The following NMBR variants were observed in gnomAD, a reference collection of about 807,000 sequenced individuals.
The protein encoded by NMBR is neuromedin-B receptor.
Under a neutral mutation model 20.5 loss-of-function variants are expected in NMBR, and 16 were observed. The ratio of observed to expected loss-of-function variants is 0.78; its 90% CI spans 0.53 to 1.19. The LOEUF is 1.19. Among genes scored for constraint, NMBR ranks in the 50% most tolerant of loss-of-function variants. The pLI, the probability that NMBR is intolerant of heterozygous loss-of-function variation, is 0.00. For missense variants in NMBR, 582 were observed against 499.1 expected (o/e 1.17, Z -1.58); for synonymous variants, 212 against 196.6 (o/e 1.08, Z -0.65).
chr6:142,100,802 G>A (rs1011970297), intron 1 of NMBR, among the ~76,000 whole-genome samples: 1 of 152,172 alleles, frequency 6.6e-6, no homozygotes, highest in African/African-American at 2.4e-5. Context: ...TGTTGGTAGA[G>A]GGTATAGGAG....
intron 1 of NMBR, among the ~76,000 whole-genome samples, chr6:142,105,013 A>G (rs1435049324): frequency 6.6e-6 from 1 of 152,052 alleles, no homozygotes; most frequent in Admixed American, 6.6e-5. Flanking sequence ...GGCGGGAAGA[A>G]TATTACAAAG....
At chr6:142,076,939 A>G (rs1776961642) in intron 3 of NMBR, among the ~76,000 whole-genome samples, 1 of 152,176 alleles carries the variant, frequency 6.6e-6, no homozygotes, top group African/African-American at 2.4e-5. Flanking sequence ...TTGGGATTGG[A>G]ACATATCTGA....
rs1777242238 is a variant in NMBR at position 142,088,407 on chromosome 6, G to A, written c.252C>T (p.Asn84=). ...MRSVPNIFIS[N]LAAGDLLLLL... The stretch of plus-strand genomic sequence containing the variant: ...GCAGCAGCAAGTCCCCGGCCGCCAG[G>A]TTAGAGATGAAGATGTTGGGGACGC... The change falls in exon 2 of 4, where the codon AAC becomes AAT. Residue 84 remains asparagine, a synonymous_variant. Transcript: ENST00000258042. 3 of 1,614,000 alleles carry A rather than the reference G, an allele frequency of 1.9e-6. No individual in the cohort carries two copies. The highest frequency in any genetic ancestry group is 4.5e-5 in the East Asian group (2 of 44,878).
At chr6:142,115,002 T>A (rs1212336285) in intron 1 of NMBR, among the ~76,000 whole-genome samples, 2 of 152,112 alleles carry the variant, frequency 1.3e-5, no homozygotes, top group African/African-American at 4.8e-5. Context: ...AAGTCATACA[T>A]ATTGGCAAGA....
intron 1 of NMBR, among the ~76,000 whole-genome samples, chr6:142,109,489 T>C (rs1777721026): frequency 6.8e-6 from 1 of 147,894 alleles, no homozygotes. Flanking sequence ...TTTTTTTTTT[T>C]TTTTTTTTGA....
At chr6:142,128,309 C>T (rs1778074944) in intron 1 of NMBR, among the ~76,000 whole-genome samples, 1 of 151,978 alleles carries the variant, frequency 6.6e-6, no homozygotes, top group African/African-American at 2.4e-5. Context: ...TATAAATTAC[C>T]CAGTCTCCAT....
At chr6:142,080,913 C>A (rs1214510083) in intron 2 of NMBR, among the ~76,000 whole-genome samples, 1 of 152,198 alleles carries the variant, frequency 6.6e-6, no homozygotes, top group African/African-American at 2.4e-5. Context: ...AATGTCACTT[C>A]TCTACCTCAT....
chr6:142,107,826 G>C (rs1777687493), intron 1 of NMBR, among the ~76,000 whole-genome samples: 1 of 151,776 alleles, frequency 6.6e-6, no homozygotes, highest in African/African-American at 2.4e-5. Context: ...ATAAAGAAGG[G>C]AAGAAAGGTA....
At chr6:142,093,605 A>G (rs569838891) in intron 1 of NMBR, among the ~76,000 whole-genome samples, 3 of 152,232 alleles carry the variant, frequency 2.0e-5, no homozygotes, top group African/African-American at 4.8e-5. Context: ...TAGTGCCACA[A>G]TAAACATATG....
intron 1 of NMBR, among the ~76,000 whole-genome samples, chr6:142,094,305 T>A (rs905370175): frequency 4.6e-5 from 7 of 152,204 alleles, no homozygotes; most frequent in African/African-American, 1.7e-4. Context: ...AAGTCTTTAA[T>A]CCATCTTGAA....
intron 1 of NMBR, among the ~76,000 whole-genome samples, chr6:142,092,993 C>T (rs984920280): frequency 1.3e-5 from 2 of 152,048 alleles, no homozygotes; most frequent in Non-Finnish European, 2.9e-5. Flanking sequence ...GTTTTAGGTA[C>T]ATTACTTAGA....
intron 2 of NMBR, among the ~76,000 whole-genome samples, chr6:142,087,207 A>G (rs538487116): frequency 1.2e-4 from 18 of 152,180 alleles, no homozygotes; most frequent in Non-Finnish European, 2.2e-4. Flanking sequence ...TATTCTTGCA[A>G]ATACCAGGAA....
Position 142,088,556 on chromosome 6 carries a change from C to A in NMBR, c.103G>T (p.Gly35Trp), listed in dbSNP as rs771538020. Residue 35 changes from glycine to tryptophan, a missense_variant, in exon 2 of 4, where the codon GGG (glycine) becomes TGG (tryptophan). Coordinates refer to ENST00000258042, the MANE Select transcript of NMBR (RefSeq NM_002511.4). Reference sequence around the variant, plus strand: ...CGGATCACCAACTCCGTGGTGGTCCCGTCCGAGGCCGGCAGGAAATCCCTT... The same window carrying A: ...CGGATCACCAACTCCGTGGTGGTCCAGTCCGAGGCCGGCAGGAAATCCCTT... ...WERDFLPASD[G>W]TTTELVIRCV... The A allele has an allele frequency of 1.2e-6, 2 of 1,613,832 alleles. No individual in the cohort carries two copies. Among genetic ancestry groups the A allele is most frequent in the Non-Finnish European group, 1.7e-6 (2 of 1,179,998 alleles).
Position 142,088,221 on chromosome 6 carries a change from CTACCTGTGCTCT to C in NMBR, c.422+4_422+15del. The C allele has an allele frequency of 6.2e-7, 1 of 1,603,138 alleles. No individual in the cohort carries two copies. Among genetic ancestry groups the C allele is most frequent in the Admixed American group, 1.7e-5 (1 of 59,910 alleles). Reference sequence around the variant, plus strand: ...CACGACTTTTCCAAGCCACTCACAGCTACCTGTGCTCTTACCTGTCGGCGCTGAGGGCAGTGA... The same window carrying C: ...CACGACTTTTCCAAGCCACTCACAGCTACCTGTCGGCGCTGAGGGCAGTGA... On this transcript the variant is annotated splice_donor_5th_base_variant and intron_variant, in intron 2 of 3. Transcript: ENST00000258042.
At chr6:142,125,470 C>T (rs1214322236) in intron 1 of NMBR, among the ~76,000 whole-genome samples, 1 of 151,974 alleles carries the variant, frequency 6.6e-6, no homozygotes, top group Non-Finnish European at 1.5e-5. Context: ...CATGTGCATG[C>T]ATATACACAT....
chr6:142,131,810 C>G (rs75106325), intron 1 of NMBR, among the ~76,000 whole-genome samples: 1 of 152,064 alleles, frequency 6.6e-6, no homozygotes, highest in African/African-American at 2.4e-5. Flanking sequence ...TTCTATACAC[C>G]CCTGAAAGGA....
chr6:142,134,503 T>C (rs1257788107), intron 1 of NMBR: 1 of 480,958 alleles, frequency 2.1e-6, no homozygotes, highest in Non-Finnish European at 3.7e-6. Context: ...TTAATTGATT[T>C]ACTAAGATAT....
chr6:142,097,403 A>G (rs1777475813), intron 1 of NMBR, among the ~76,000 whole-genome samples: 1 of 152,074 alleles, frequency 6.6e-6, no homozygotes, highest in Non-Finnish European at 1.5e-5. Context: ...TCTACATCTC[A>G]GTAAACGCAT....
chr6:142,112,619 AT>A (rs1777785852), intron 1 of NMBR, among the ~76,000 whole-genome samples: 1 of 152,156 alleles, frequency 6.6e-6, no homozygotes, highest in Admixed American at 6.5e-5. Context: ...GGATTTGACA[AT>A]TCGATATTGT....
Sources: allele counts gnomAD v4.1 joint callset (sites outside exome capture counted in the v4.1 genomes callset), GRCh38; gene constraint gnomAD v4.1.1; transcripts MANE v1.5; gene names NCBI Gene and HGNC (gene_info 2026-07-23, HGNC 2026-07-21).